CNTNAP2: variants seen among roughly 807,000 people sequenced by gnomAD.
CNTNAP2 encodes the protein contactin-associated protein-like 2.
In CNTNAP2, 98 loss-of-function variants were observed where a neutral mutation model predicts 155.2. That is an observed-to-expected ratio of 0.63 (90% CI 0.54 to 0.75). The LOEUF (loss-of-function observed/expected upper bound fraction) is 0.75. Ranked by LOEUF, CNTNAP2 falls within the 30% of genes least tolerant of loss-of-function variation. The pLI is 0.00. For missense variants in CNTNAP2, 1,727 were observed against 1,688.1 expected (o/e 1.02, Z -0.40); for synonymous variants, 651 against 631.2 (o/e 1.03, Z -0.47).
At chr7:146,742,873 A>G (rs1801743526) in intron 1 of CNTNAP2, among the ~76,000 whole-genome samples, 1 of 152,166 alleles carries the variant, frequency 6.6e-6, no homozygotes, top group Admixed American at 6.5e-5. Flanking sequence ...AGGCATATGT[A>G]CAAATATTTT....
At chr7:146,921,939 G>T (rs1796508627) in intron 3 of CNTNAP2, among the ~76,000 whole-genome samples, 1 of 152,084 alleles carries the variant, frequency 6.6e-6, no homozygotes, top group South Asian at 2.1e-4. Flanking sequence ...AGAAAGAGAT[G>T]ACAGAAGCTA....
At position 146,733,030 on chromosome 7, in the gene CNTNAP2, A is replaced by G. The variant is rs536130853; in HGVS notation, c.98-41241A>G. ...ATTTTCAAAAGTTGATATTCTAATCATAAAAAATAGACTGCACTAATATAT... is the reference window on the plus strand; with the variant it reads ...ATTTTCAAAAGTTGATATTCTAATCGTAAAAAATAGACTGCACTAATATAT... On this transcript the variant is annotated intron_variant, in intron 1 of 23. Transcript: ENST00000361727. 2.0e-5 allele frequency among the ~76,000 whole-genome samples: 3 copies of G among 152,262 alleles called. No homozygotes were observed. In the East Asian group the frequency reaches 5.8e-4, roughly 29 times the overall value.
chr7:148,065,563 G>A (rs1033328902), intron 15 of CNTNAP2, among the ~76,000 whole-genome samples: 5 of 152,064 alleles, frequency 3.3e-5, no homozygotes, highest in African/African-American at 7.2e-5. Context: ...TTTTTTAACT[G>A]ATGTTGCTTT....
At chr7:148,200,090 C>T (rs950371400) in intron 18 of CNTNAP2, among the ~76,000 whole-genome samples, 2 of 152,166 alleles carry the variant, frequency 1.3e-5, no homozygotes, top group Non-Finnish European at 2.9e-5. Context: ...CAATTATGAT[C>T]CTCTCTATTC....
chr7:146,218,481 C>T (rs565100932), intron 1 of CNTNAP2, among the ~76,000 whole-genome samples: 7 of 151,882 alleles, frequency 4.6e-5, no homozygotes, highest in Non-Finnish European at 1.0e-4. Context: ...TGCACTCCAG[C>T]CTGGGTGACA....
chr7:147,340,766 T>C (rs1350203442), intron 9 of CNTNAP2, among the ~76,000 whole-genome samples: 11 of 152,146 alleles, frequency 7.2e-5, no homozygotes. Flanking sequence ...TTTCACACTA[T>C]TTTTTCAACA....
At chr7:147,547,667 A>G (rs1385623123) in intron 11 of CNTNAP2, among the ~76,000 whole-genome samples, 1 of 151,996 alleles carries the variant, frequency 6.6e-6, no homozygotes, top group African/African-American at 2.4e-5. Context: ...AACGGGATAC[A>G]TGTGCAGAAC....
At chr7:147,447,483 G>A (rs577865055) in intron 10 of CNTNAP2, among the ~76,000 whole-genome samples, 48 of 152,128 alleles carry the variant, frequency 3.2e-4, no homozygotes, top group African/African-American at 1.1e-3. Flanking sequence ...TGGCACAATC[G>A]TGGCTCACTG....
chr7:146,338,001 A>T (rs955210639), intron 1 of CNTNAP2, among the ~76,000 whole-genome samples: 2 of 152,270 alleles, frequency 1.3e-5, no homozygotes, highest in African/African-American at 4.8e-5. Flanking sequence ...ATTTATTCTG[A>T]AGGATTTGCT....
chr7:146,929,869 C>T (rs4530952), intron 3 of CNTNAP2, among the ~76,000 whole-genome samples: 5,945 of 151,826 alleles, frequency 0.039, 142 homozygotes, highest in Middle Eastern at 0.088. Flanking sequence ...TGAAATGAAG[C>T]GAGAAGGGAA....
rs1030335877 is a variant in CNTNAP2 at position 147,027,903 on chromosome 7, A to G, written c.403-16004A>G. The stretch of plus-strand genomic sequence containing the variant: ...ATGGTGTGGGTGGAAAATAGAAAAT[A>G]AACACAGTTTTGATGATAAAAAGGC... On this transcript the variant is annotated intron_variant, in intron 3 of 23. Transcript: ENST00000361727. Among the ~76,000 whole-genome samples the G allele has an allele frequency of 3.3e-5, 5 of 152,224 alleles. No individual in the cohort carries two copies. In the South Asian group the frequency reaches 6.2e-4, roughly 19 times the overall value.
At chr7:147,144,910 T>A (rs1043836588) in intron 8 of CNTNAP2, among the ~76,000 whole-genome samples, 2 of 152,178 alleles carry the variant, frequency 1.3e-5, no homozygotes, top group Non-Finnish European at 2.9e-5. Flanking sequence ...GCATGCTTTT[T>A]AAAAAATCCT....
intron 15 of CNTNAP2, among the ~76,000 whole-genome samples, chr7:148,042,659 C>T (rs1297187728): frequency 6.6e-6 from 1 of 152,204 alleles, no homozygotes; most frequent in Non-Finnish European, 1.5e-5. Context: ...AGACACTAGA[C>T]CATACCACCT....
At chr7:146,566,002 T>TC (rs1483392310) in intron 1 of CNTNAP2, among the ~76,000 whole-genome samples, 6 of 152,238 alleles carry the variant, frequency 3.9e-5, no homozygotes, top group Non-Finnish European at 4.4e-5. Flanking sequence ...TCATGCATAT[T>TC]CACCGGCAGA....
At chr7:147,277,213 A>G (rs1202279176) in intron 8 of CNTNAP2, among the ~76,000 whole-genome samples, 5 of 152,002 alleles carry the variant, frequency 3.3e-5, no homozygotes. Context: ...AATCAAGTTC[A>G]TGCATGAGTA....
At chr7:148,226,435 T>G (rs1563002291) in intron 19 of CNTNAP2, among the ~76,000 whole-genome samples, 1 of 151,644 alleles carries the variant, frequency 6.6e-6, no homozygotes, top group Non-Finnish European at 1.5e-5. Flanking sequence ...ACTGTCTCTC[T>G]CTAAAATGAT....
chr7:147,298,009 A>G (rs930956254), intron 8 of CNTNAP2, among the ~76,000 whole-genome samples: 1 of 152,228 alleles, frequency 6.6e-6, no homozygotes, highest in Non-Finnish European at 1.5e-5. Flanking sequence ...GCCTTATTAC[A>G]TTATTTATAT....
At chr7:147,755,171 G>T (rs543346952) in intron 13 of CNTNAP2, among the ~76,000 whole-genome samples, 1 of 152,166 alleles carries the variant, frequency 6.6e-6, no homozygotes, top group Non-Finnish European at 1.5e-5. Context: ...CAGCTTAAGT[G>T]TATGAGTGAT....
chr7:147,217,259 C>A (rs1234122167), intron 8 of CNTNAP2, among the ~76,000 whole-genome samples: 1 of 151,946 alleles, frequency 6.6e-6, no homozygotes. Context: ...TAGTTTCTTA[C>A]CATTAAGTAT....
Sources: allele counts gnomAD v4.1 joint callset (sites outside exome capture counted in the v4.1 genomes callset), GRCh38; gene constraint gnomAD v4.1.1; transcripts MANE v1.5; gene names NCBI Gene and HGNC (gene_info 2026-07-23, HGNC 2026-07-21).